The following GATAD2B variants were observed in gnomAD, a reference collection of about 807,000 sequenced individuals.
GATAD2B encodes transcriptional repressor p66-beta.
A neutral mutation model predicts 64.3 loss-of-function variants in GATAD2B; 8 were observed. The observed-to-expected ratio is 0.12, with a 90% CI of 0.07 to 0.22. GATAD2B has a LOEUF of 0.22. Ranked by LOEUF, GATAD2B falls within the 10% of genes least tolerant of loss-of-function variation. The probability of loss-of-function intolerance (pLI) is 1.00; values close to 1 mark genes in which losing one functional copy is unlikely to be tolerated. For synonymous variants in GATAD2B, 281 were observed against 271.3 expected, an observed-to-expected ratio of 1.04 and a Z score of -0.35; for missense variants, 453 against 752.0, an observed-to-expected ratio of 0.60 and a Z score of 4.65.
intron 1 of GATAD2B, among the ~76,000 whole-genome samples, chr1:153,891,574 T>TAAAA (rs1163572311): frequency 0.21 from 4,169 of 19,916 alleles, 848 homozygotes; most frequent in Admixed American, 0.33. Context: ...CTGTCTCGTT[T>TAAAA]AAAAAAAAAA....
At chr1:153,906,790 GA>G (rs1323206930) in intron 1 of GATAD2B, among the ~76,000 whole-genome samples, 1 of 152,006 alleles carries the variant, frequency 6.6e-6, no homozygotes, top group Non-Finnish European at 1.5e-5. Context: ...CTACAACTTA[GA>G]AACAAAAACA....
intron 1 of GATAD2B, among the ~76,000 whole-genome samples, chr1:153,920,273 T>C (rs1202047732): frequency 6.6e-6 from 1 of 152,200 alleles, no homozygotes; most frequent in African/African-American, 2.4e-5. Context: ...ATACCTTCAC[T>C]GACACAATGG....
intron 1 of GATAD2B, among the ~76,000 whole-genome samples, chr1:153,844,507 C>T (rs1675614604): frequency 6.7e-6 from 1 of 150,272 alleles, no homozygotes; most frequent in African/African-American, 2.5e-5. Flanking sequence ...AAAAATAATC[C>T]AGCACCCAAA....
intron 10 of GATAD2B, among the ~76,000 whole-genome samples, chr1:153,810,602 G>A (rs930642887): frequency 6.0e-5 from 9 of 151,072 alleles, no homozygotes; most frequent in East Asian, 2.0e-4. Context: ...TTATAGGCGC[G>A]TGCCACTACT....
Position 153,828,455 on chromosome 1 carries a change from T to TACATACAC in GATAD2B, c.-1-108_-1-107insGTGTATGT, listed in dbSNP as rs1674960361. The TACATACAC allele has an allele frequency of 2.2e-4, 129 of 584,404 alleles. No homozygotes were observed. The South Asian group carries it at 2.6e-3, about 12-fold the overall frequency. The allele number at this position is 584,404 out of a possible 1,614,324, so 36.2% of individuals were successfully genotyped here. A position where few individuals can be genotyped will look rare whatever the true frequency, so the allele number is the denominator to read the frequency against. On this transcript the variant is annotated intron_variant, in intron 1 of 10. Transcript: ENST00000368655. Reference sequence around the variant, plus strand: ...TTAACAAGAATCTCTCTCTCACACATACACACACACACACACACACACACA... The same window carrying TACATACAC: ...TTAACAAGAATCTCTCTCTCACACATACATACACACACACACACACACACACACACACA...
chr1:153,891,680 G>A (rs1165306271), intron 1 of GATAD2B, among the ~76,000 whole-genome samples: 2 of 141,128 alleles, frequency 1.4e-5, no homozygotes, highest in Admixed American at 7.2e-5. Flanking sequence ...GGGGAGGGGA[G>A]GGAAAAGAAG....
chr1:153,836,536 C>T (rs908696475), intron 1 of GATAD2B, among the ~76,000 whole-genome samples: 13 of 142,014 alleles, frequency 9.2e-5, no homozygotes, highest in Non-Finnish European at 2.0e-4. Context: ...CAGGCGTGAG[C>T]CACTGCACCC....
intron 1 of GATAD2B, among the ~76,000 whole-genome samples, chr1:153,859,023 T>C (rs1426802783): frequency 6.6e-6 from 1 of 152,108 alleles, no homozygotes; most frequent in East Asian, 1.9e-4. Flanking sequence ...GCATTTAGCC[T>C]GTGCAAGCAA....
At chr1:153,867,283 C>A (rs79516108) in intron 1 of GATAD2B, among the ~76,000 whole-genome samples, 3,061 of 152,112 alleles carry the variant, frequency 0.02, 111 homozygotes, top group African/African-American at 0.07. Flanking sequence ...CATATCAGAC[C>A]CCAAACTGCT....
intron 1 of GATAD2B, among the ~76,000 whole-genome samples, chr1:153,893,594 A>G (rs1377273030): frequency 4.0e-5 from 6 of 151,762 alleles, no homozygotes; most frequent in Admixed American, 4.0e-4. Context: ...TGGGCAACAG[A>G]GCAAGACTCT....
chr1:153,896,636 A>G (rs1677602863), intron 1 of GATAD2B, among the ~76,000 whole-genome samples: 4 of 151,948 alleles, frequency 2.6e-5, no homozygotes, highest in African/African-American at 9.7e-5. Context: ...GGGTTTCTCC[A>G]TGTTGGTCAG....
At chr1:153,832,398 A>G (rs1675110176) in intron 1 of GATAD2B, among the ~76,000 whole-genome samples, 1 of 152,226 alleles carries the variant, frequency 6.6e-6, no homozygotes, top group Admixed American at 6.5e-5. Flanking sequence ...GCCAAAGCGT[A>G]ATTCAGAATC....
intron 1 of GATAD2B, among the ~76,000 whole-genome samples, chr1:153,905,553 GAAAAAAAAAAAAA>G (rs769120730): frequency 7.7e-5 from 5 of 64,660 alleles, no homozygotes; most frequent in Admixed American, 1.7e-4. Flanking sequence ...AACAATTTTG[GAAAAAAAAAAAAA>G]AAAAAAAAAG....
In GATAD2B at chr1:153,875,683, GAAAAAAA is replaced by G. The variant is rs11340415; in HGVS notation, c.-2+47043_-2+47049del. On this transcript the variant is annotated intron_variant, in intron 1 of 10. Transcript: ENST00000368655. Reference sequence around the variant, plus strand: ...AATAGACCTACCACGAGTTTGGAGGGAAAAAAAAAAAAAAAAAAAAAAGGTAGCCACA... The same window carrying G: ...AATAGACCTACCACGAGTTTGGAGGGAAAAAAAAAAAAAAAGGTAGCCACA... Among the ~76,000 whole-genome samples the G allele has an allele frequency of 1.0e-4, 8 of 78,412 alleles. 2 individuals are homozygous for G. In the Admixed American group the frequency reaches 1.4e-3, roughly 14 times the overall value. 51.4% of individuals were successfully genotyped at this position (78,412 alleles called of 152,430 possible). A position where few individuals can be genotyped will look rare whatever the true frequency, so the allele number is the denominator to read the frequency against.
intron 1 of GATAD2B, among the ~76,000 whole-genome samples, chr1:153,878,647 G>A (rs1487605615): frequency 6.6e-6 from 1 of 152,064 alleles, no homozygotes; most frequent in African/African-American, 2.4e-5. Context: ...TCTTACTACA[G>A]GATTAACGAG....
intron 1 of GATAD2B, among the ~76,000 whole-genome samples, chr1:153,843,836 A>T (rs1430314777): frequency 6.7e-6 from 1 of 149,580 alleles, no homozygotes; most frequent in Non-Finnish European, 1.5e-5. Context: ...AAAAAAACCC[A>T]AACAAAAACC....
chr1:153,826,545 C>T (rs1282668945), intron 2 of GATAD2B, among the ~76,000 whole-genome samples: 1 of 152,192 alleles, frequency 6.6e-6, no homozygotes, highest in Non-Finnish European at 1.5e-5. Context: ...GCAAGAGAAT[C>T]ACTTGAACCC....
intron 2 of GATAD2B, among the ~76,000 whole-genome samples, chr1:153,826,885 G>A (rs1370958245): frequency 6.6e-6 from 1 of 150,994 alleles, no homozygotes; most frequent in Non-Finnish European, 1.5e-5. Flanking sequence ...TGGTTACAAT[G>A]AGCTATGATC....
In GATAD2B at chr1:153,817,379, T is replaced by C; in HGVS notation, c.893A>G (p.Tyr298Cys). The C allele has an allele frequency of 8.9e-6, 14 of 1,567,598 alleles. No individual in the cohort carries two copies. Among genetic ancestry groups the C allele is most frequent in the Non-Finnish European group, 1.2e-5 (14 of 1,159,580 alleles). ...TTPNMNPAIN[Y>C]QPQSSSSVPC... ...GGCTCAGCTCTCTCTTACCGGTTGATAATTGATGGCGGGATTCATGTTGGG... is the reference window on the plus strand; with the variant it reads ...GGCTCAGCTCTCTCTTACCGGTTGACAATTGATGGCGGGATTCATGTTGGG... The change falls in exon 6 of 11, where the codon TAT (tyrosine) becomes TGT (cysteine). Residue 298 changes from tyrosine (Y) to cysteine (C), a missense_variant. Transcript: ENST00000368655.
Sources: allele counts gnomAD v4.1 joint callset (sites outside exome capture counted in the v4.1 genomes callset), GRCh38; gene constraint gnomAD v4.1.1; transcripts MANE v1.5; gene names NCBI Gene and HGNC (gene_info 2026-07-23, HGNC 2026-07-21).